FAM20C: variants seen among roughly 807,000 people sequenced by gnomAD.
The protein encoded by FAM20C is extracellular serine/threonine protein kinase FAM20C.
Under a neutral mutation model 51.5 loss-of-function variants are expected in FAM20C, and 40 were observed. The ratio of observed to expected loss-of-function variants is 0.78; its 90% CI spans 0.60 to 1.01. The LOEUF (loss-of-function observed/expected upper bound fraction) is 1.01, where lower values mean the gene tolerates loss of function less well. Ranked by LOEUF, FAM20C falls within the 50% of genes least tolerant of loss-of-function variation. The pLI, the probability that FAM20C is intolerant of heterozygous loss-of-function variation, is 0.00. For synonymous variants in FAM20C, 406 were observed against 380.6 expected (o/e 1.07, Z -0.78); for missense variants, 861 against 844.7 (o/e 1.02, Z -0.24).
At chr7:226,518 G>A (rs532501308) in intron 3 of FAM20C, among the ~76,000 whole-genome samples, 3 of 152,304 alleles carry the variant, frequency 2.0e-5, no homozygotes, top group East Asian at 1.9e-4. Flanking sequence ...ACGGCCGCCC[G>A]GCTGGGCCTC....
At chr7:254,168 C>T (rs564487964) in intron 5 of FAM20C, among the ~76,000 whole-genome samples, 1 of 152,284 alleles carries the variant, frequency 6.6e-6, no homozygotes, top group African/African-American at 2.4e-5. Context: ...CGGCCTGGCA[C>T]CCACCCCGTT....
intron 3 of FAM20C, among the ~76,000 whole-genome samples, chr7:209,833 A>G (rs1786618271): frequency 1.3e-5 from 2 of 152,194 alleles, no homozygotes; most frequent in South Asian, 2.1e-4. Flanking sequence ...TTGCAGGTAA[A>G]ACAAAATATA....
chr7:197,745 C>T (rs1785948266), intron 2 of FAM20C, among the ~76,000 whole-genome samples: 1 of 152,228 alleles, frequency 6.6e-6, no homozygotes, highest in South Asian at 2.1e-4. Context: ...CCCTCACCGA[C>T]CGGTCAGCTT....
chr7:259,731 G>A lies in FAM20C; in HGVS notation c.1506G>A (p.Arg502=). 3 of 1,532,472 alleles carry A rather than the reference G, an allele frequency of 2.0e-6. No homozygotes were observed. Among genetic ancestry groups the A allele is most frequent in the Non-Finnish European group, 1.7e-6 (2 of 1,143,700 alleles). 94.9% of individuals were successfully genotyped at this position (1,532,472 alleles called of 1,614,324 possible). ...GGCCTGATGCCCCTCTCCTCCCCAGGATCCGGAAGTCCACCTACCTGCGTC... is the reference window on the plus strand; with the variant it reads ...GGCCTGATGCCCCTCTCCTCCCCAGAATCCGGAAGTCCACCTACCTGCGTC... ...SILVPLQQCC[R]IRKSTYLRLQ... is the part of the protein sequence containing the mutation. The change falls in exon 10 of 10, where the codon AGG becomes AGA. Residue 502 remains arginine (R), a splice_region_variant and synonymous_variant. Transcript: ENST00000313766.
chr7:217,254 CTGCGGGACCTGTG>C (rs1429603747), intron 3 of FAM20C, among the ~76,000 whole-genome samples: 8 of 152,088 alleles, frequency 5.3e-5, no homozygotes, highest in Non-Finnish European at 1.2e-4. Context: ...GTGGGGCCTT[CTGCGGGACCTGTG>C]TGCAGTGGGG....
At chr7:205,979 G>T (rs1786360632) in intron 2 of FAM20C, among the ~76,000 whole-genome samples, 1 of 152,044 alleles carries the variant, frequency 6.6e-6, no homozygotes, top group African/African-American at 2.4e-5. Flanking sequence ...CCCATCTGCA[G>T]GCAGCTCCCC....
At chr7:210,987 G>A (rs1204721597) in intron 3 of FAM20C, among the ~76,000 whole-genome samples, 1 of 152,104 alleles carries the variant, frequency 6.6e-6, no homozygotes, top group Non-Finnish European at 1.5e-5. Flanking sequence ...AGTTATAGGA[G>A]GTGACGCTTA....
At position 193,529 on chromosome 7, in the gene FAM20C, G is replaced by A; in HGVS notation, c.330G>A (p.Leu110=). 6.7e-7 allele frequency: 1 copy of A among 1,495,948 alleles called. No individual in the cohort carries two copies. Among genetic ancestry groups the A allele is most frequent in the Non-Finnish European group, 8.9e-7 (1 of 1,119,434 alleles). 92.7% of individuals were successfully genotyped at this position (1,495,948 alleles called of 1,614,324 possible). A position where few individuals can be genotyped will look rare whatever the true frequency, so the allele number is the denominator to read the frequency against. ...TCTCGTCCCACTCGCTGGAGAAACT[G>A]CCGCCCGCGGCCGAGCCGGCCGAGC... ...SNLSSHSLEK[L]PPAAEPAERA... The change falls in exon 1 of 10, where the codon CTG becomes CTA. Residue 110 remains leucine (L), a synonymous_variant. Coordinates refer to ENST00000313766, the MANE Select transcript of FAM20C (RefSeq NM_020223.4).
intron 2 of FAM20C, 109 bp downstream of exon 2, chr7:195,841 C>G (rs935558211): frequency 1.8e-6 from 2 of 1,120,568 alleles, no homozygotes; most frequent in Admixed American, 3.7e-5. Flanking sequence ...TTGCTCATTA[C>G]GGCAGCGTCA....
chr7:228,588 G>A (rs769260940), intron 3 of FAM20C: 1 of 456,264 alleles, frequency 2.2e-6, no homozygotes, highest in South Asian at 1.5e-5. Context: ...TCTCCTCTGA[G>A]GGCAGCGTTT....
intron 9 of FAM20C, among the ~76,000 whole-genome samples, chr7:259,187 C>G (rs965938026): frequency 2.0e-5 from 3 of 151,518 alleles, no homozygotes; most frequent in African/African-American, 7.3e-5. Flanking sequence ...TGGGGTCGGT[C>G]TCCTGGGTGA....
rs374020298 is a variant in FAM20C, at chr7:212,659, C to T, written c.863+3683C>T. 2.2e-3 allele frequency among the ~76,000 whole-genome samples: 327 copies of T among 151,568 alleles called. 2 individuals are homozygous for T. The highest frequency in any genetic ancestry group is 7.6e-3 in the African/African-American group (315 of 41,248). On this transcript the variant is annotated intron_variant, in intron 3 of 9. Coordinates refer to ENST00000313766, the MANE Select transcript of FAM20C (RefSeq NM_020223.4). ...GGGGTGCTGCACAGCGTGTGGGGGG[C>T]GGGATCACCAGGGGAAGTTTTAGGG...
At chr7:201,399 T>G (rs1786121420) in intron 2 of FAM20C, among the ~76,000 whole-genome samples, 1 of 152,122 alleles carries the variant, frequency 6.6e-6, no homozygotes, top group Non-Finnish European at 1.5e-5. Flanking sequence ...AGGTTGGGGT[T>G]GTTGTTAGAA....
At chr7:229,914 C>T (rs975902877) in intron 3 of FAM20C, among the ~76,000 whole-genome samples, 48 of 152,130 alleles carry the variant, frequency 3.2e-4, no homozygotes, top group Admixed American at 2.6e-3. Flanking sequence ...AAGTGTCTGT[C>T]TTATCTAGTT....
chr7:234,829 T>C (rs930118346), intron 3 of FAM20C, among the ~76,000 whole-genome samples: 2 of 152,058 alleles, frequency 1.3e-5, no homozygotes, highest in African/African-American at 2.4e-5. Flanking sequence ...CGAGCTCCCA[T>C]CCCTGCCGTT....
At chr7:201,044 G>A (rs1185636018) in intron 2 of FAM20C, among the ~76,000 whole-genome samples, 2 of 152,226 alleles carry the variant, frequency 1.3e-5, no homozygotes, top group Non-Finnish European at 1.5e-5. Flanking sequence ...AGACCTCTCT[G>A]GCTTGGAGAT....
intron 3 of FAM20C, among the ~76,000 whole-genome samples, chr7:226,655 C>T (rs568794852): frequency 6.6e-6 from 1 of 152,276 alleles, no homozygotes; most frequent in East Asian, 1.9e-4. Context: ...ACGACAGGCC[C>T]GAATCCGCCC....
chr7:195,030 A>T (rs1026595949), intron 1 of FAM20C, among the ~76,000 whole-genome samples: 1 of 152,188 alleles, frequency 6.6e-6, no homozygotes, highest in African/African-American at 2.4e-5. Flanking sequence ...GGCTGCTCTC[A>T]TTAAAATCAA....
At chr7:217,370 G>GCC (rs1787031349) in intron 3 of FAM20C, among the ~76,000 whole-genome samples, 1 of 4,148 alleles carries the variant, frequency 2.4e-4, no homozygotes, top group African/African-American at 9.3e-4. Flanking sequence ...GGTGGTCACA[G>GCC]ACTGGCTGTG....
Sources: gnomAD v4.1 joint callset for allele counts (sites outside exome capture counted in the v4.1 genomes callset) on GRCh38, gnomAD v4.1.1 for gene constraint, MANE v1.5 for transcripts, NCBI Gene and HGNC (gene_info 2026-07-23, HGNC 2026-07-21) for gene names.